The following SLC9C1 variants were observed in gnomAD, a reference collection of about 807,000 sequenced individuals.
The protein encoded by SLC9C1 is sodium/hydrogen exchanger 10.
SLC9C1 carries 97 observed loss-of-function variants against 140.9 expected under a neutral mutation model. The ratio of observed to expected loss-of-function variants is 0.69; its 90% confidence interval spans 0.58 to 0.82. The LOEUF (loss-of-function observed/expected upper bound fraction) is 0.82, where lower values mean the gene tolerates loss of function less well. Ranked by LOEUF, SLC9C1 falls within the 40% of genes least tolerant of loss-of-function variation. SLC9C1 has a pLI of 0.00. For synonymous variants in SLC9C1, 440 were observed against 442.6 expected, an observed-to-expected ratio of 0.99 and a Z score of 0.07; for missense variants, 1,340 against 1,389.3, an observed-to-expected ratio of 0.96 and a Z score of 0.56.
chr3:112,218,106 C>T (rs2078435445), intron 14 of SLC9C1, among the ~76,000 whole-genome samples: 1 of 151,154 alleles, frequency 6.6e-6, no homozygotes, highest in African/African-American at 2.4e-5. Context: ...TTAGAAAAGT[C>T]ACTGGTCATA....
intron 16 of SLC9C1, 110 bp from the exon 17 acceptor site, chr3:112,204,513 T>G: frequency 8.5e-7 from 1 of 1,179,606 alleles, no homozygotes; most frequent in South Asian, 1.6e-5. Context: ...CTACTCCACA[T>G]GTATGAAATA....
intron 20 of SLC9C1, among the ~76,000 whole-genome samples, chr3:112,198,168 G>A (rs1198772667): frequency 3.3e-5 from 5 of 151,838 alleles, no homozygotes; most frequent in Non-Finnish European, 5.9e-5. Flanking sequence ...CCACATAGGT[G>A]TTATGTATTT....
intron 20 of SLC9C1, among the ~76,000 whole-genome samples, chr3:112,191,996 G>T (rs946253771): frequency 6.6e-6 from 1 of 150,406 alleles, no homozygotes; most frequent in African/African-American, 2.4e-5. Context: ...TTCACTATTT[G>T]ATTATTATGG....
intron 10 of SLC9C1, among the ~76,000 whole-genome samples, chr3:112,251,173 A>G (rs374225311): frequency 5.3e-5 from 8 of 152,234 alleles, no homozygotes; most frequent in East Asian, 3.9e-4. Context: ...TTCAGCTGAA[A>G]CATCCAGGTA....
intron 26 of SLC9C1, among the ~76,000 whole-genome samples, chr3:112,158,817 T>C (rs2075202689): frequency 6.6e-6 from 1 of 152,032 alleles, no homozygotes; most frequent in Non-Finnish European, 1.5e-5. Flanking sequence ...TAATTTTTCA[T>C]AGTAGTCTAT....
chr3:112,179,163 A>C (rs886815932), intron 23 of SLC9C1, among the ~76,000 whole-genome samples: 1 of 152,096 alleles, frequency 6.6e-6, no homozygotes, highest in Non-Finnish European at 1.5e-5. Flanking sequence ...GTGTAGGGAA[A>C]CTTCCAGGCA....
chr3:112,146,364 T>A (rs1239465043), intron 28 of SLC9C1, among the ~76,000 whole-genome samples: 1 of 152,200 alleles, frequency 6.6e-6, no homozygotes. Context: ...GCTTTGTAGC[T>A]CATTTGTTCT....
chr3:112,290,786 A>ACCATTAT (rs1467618904), intron 1 of SLC9C1, among the ~76,000 whole-genome samples: 4 of 143,750 alleles, frequency 2.8e-5, no homozygotes, highest in African/African-American at 1.0e-4. Flanking sequence ...TGAACCCTTT[A>ACCATTAT]CCATTATGTT....
Position 112,165,269 on chromosome 3 carries a change from A to G in SLC9C1, c.3364+1952T>C, listed in dbSNP as rs368413565. Among the ~76,000 whole-genome samples the G allele has an allele frequency of 1.6e-3, 241 of 151,992 alleles. 3 individuals carry two copies. The highest frequency in any genetic ancestry group is 5.5e-3 in the African/African-American group (226 of 41,456). Reference sequence around the variant, plus strand: ...GATCATCTGAAGCCGTCTTCTCTCAACTCGTCAAAGTCATTCTCCATCCAG... The same window carrying G: ...GATCATCTGAAGCCGTCTTCTCTCAGCTCGTCAAAGTCATTCTCCATCCAG... On this transcript the variant is annotated intron_variant, in intron 26 of 28. Transcript: ENST00000305815.
chr3:112,214,821 T>C (rs2078310216), intron 15 of SLC9C1, among the ~76,000 whole-genome samples: 1 of 152,172 alleles, frequency 6.6e-6, no homozygotes, highest in South Asian at 2.1e-4. Flanking sequence ...ACTATTTCAA[T>C]CAATAGAAAA....
chr3:112,204,198 A>G lies in SLC9C1; in HGVS notation c.2172+20T>C. 1 of 1,450,600 alleles carries G rather than the reference A, an allele frequency of 6.9e-7. No individual in the cohort carries two copies. The allele number at this position is 1,450,600 out of a possible 1,614,324, so 89.9% of individuals were successfully genotyped here. ...ACAATCAGTAGGAATTAGAAATTGC[A>G]CGATTTACTGGTTCTTTACCTTGAA... On this transcript the variant is annotated intron_variant, in intron 17 of 28. Coordinates refer to ENST00000305815, the MANE Select transcript of SLC9C1 (RefSeq NM_183061.3).
intron 26 of SLC9C1, among the ~76,000 whole-genome samples, chr3:112,159,679 T>C (rs1213549716): frequency 2.6e-5 from 4 of 152,088 alleles, no homozygotes; most frequent in Non-Finnish European, 5.9e-5. Flanking sequence ...ACTACTATTT[T>C]ATTGCAGTCC....
intron 6 of SLC9C1, among the ~76,000 whole-genome samples, chr3:112,271,389 C>T (rs2080068557): frequency 6.0e-5 from 3 of 50,198 alleles, no homozygotes; most frequent in Admixed American, 5.1e-4. Flanking sequence ...AATCATTCTA[C>T]ATTGTATATA....
intron 2 of SLC9C1, among the ~76,000 whole-genome samples, chr3:112,282,346 C>G (rs1259932708): frequency 6.6e-6 from 1 of 150,786 alleles, no homozygotes; most frequent in Admixed American, 6.7e-5. Context: ...GTAATGGCAA[C>G]AGCTTTTGGA....
chr3:112,234,893 G>T (rs148743299), intron 12 of SLC9C1, among the ~76,000 whole-genome samples: 89,603 of 151,536 alleles, frequency 0.59, 27,013 homozygotes, highest in East Asian at 0.79. Flanking sequence ...TGTAGTATAG[G>T]TTGAAGTCAG....
At chr3:112,164,539 T>C in intron 26 of SLC9C1, among the ~76,000 whole-genome samples, 1 of 148,756 alleles carries the variant, frequency 6.7e-6, no homozygotes, top group Non-Finnish European at 1.5e-5. Context: ...TGAAGCTTAG[T>C]TTGGCTGGAT....
At chr3:112,146,085 A>G (rs1428134214) in intron 28 of SLC9C1, among the ~76,000 whole-genome samples, 1 of 152,104 alleles carries the variant, frequency 6.6e-6, no homozygotes, top group African/African-American at 2.4e-5. Context: ...CATTTCTTCT[A>G]CATTTTCTAG....
chr3:112,223,654 TA>T (rs986094188), intron 13 of SLC9C1, among the ~76,000 whole-genome samples: 6 of 151,494 alleles, frequency 4.0e-5, no homozygotes, highest in Non-Finnish European at 7.4e-5. Flanking sequence ...AGAAAGAAAT[TA>T]AACAGCAAGA....
At chr3:112,246,990 C>T (rs2079304697) in intron 10 of SLC9C1, among the ~76,000 whole-genome samples, 2 of 152,132 alleles carry the variant, frequency 1.3e-5, no homozygotes, top group African/African-American at 4.8e-5. Context: ...CAGTTTTCTC[C>T]TGAAAACTCT....
Sources: allele counts gnomAD v4.1 joint callset (sites outside exome capture counted in the v4.1 genomes callset), GRCh38; gene constraint gnomAD v4.1.1; transcripts MANE v1.5; gene names NCBI Gene and HGNC (gene_info 2026-07-23, HGNC 2026-07-21).